The following GALNT13 variants were observed in gnomAD, a reference collection of about 807,000 sequenced individuals.
GALNT13 encodes polypeptide N-acetylgalactosaminyltransferase 13.
GALNT13 carries 28 observed loss-of-function variants against 64.2 expected under a neutral mutation model. The observed-to-expected ratio is 0.44, with a 90% CI of 0.32 to 0.60. GALNT13 has a LOEUF of 0.60. Ranked by LOEUF, GALNT13 falls within the 20% of genes least tolerant of loss-of-function variation. The pLI, the probability that GALNT13 is intolerant of heterozygous loss-of-function variation, is 0.05. For synonymous variants in GALNT13, 214 were observed against 224.6 expected, an observed-to-expected ratio of 0.95 and a Z score of 0.42; for missense variants, 577 against 669.8, an observed-to-expected ratio of 0.86 and a Z score of 1.53.
the GALNT13 span, among the ~76,000 whole-genome samples, chr2:153,759,207 T>G: frequency 6.6e-6 from 1 of 152,182 alleles, no homozygotes; most frequent in African/African-American, 2.4e-5. Context: ...TTTTGGAGTC[T>G]TTAGGTTTTC....
At chr2:153,446,917 A>T in the GALNT13 span, 1 of 152,240 alleles carries the variant, frequency 6.6e-6, no homozygotes, top group Admixed American at 6.5e-5. Flanking sequence ...GAATAGGAAT[A>T]TGGGGATAAA....
chr2:154,366,107 T>C (rs1028493176), intron 9 of GALNT13, among the ~76,000 whole-genome samples: 9 of 152,184 alleles, frequency 5.9e-5, no homozygotes, highest in African/African-American at 2.2e-4. Flanking sequence ...ACATATATCA[T>C]TTAACAATGA....
chr2:153,803,138 C>G, the GALNT13 span, among the ~76,000 whole-genome samples: 1 of 152,100 alleles, frequency 6.6e-6, no homozygotes, highest in African/African-American at 2.4e-5. Context: ...CTCAGTGTTC[C>G]CCTCAGGACC....
At chr2:154,124,212 A>G (rs1023370102) in intron 3 of GALNT13, among the ~76,000 whole-genome samples, 2 of 151,932 alleles carry the variant, frequency 1.3e-5, no homozygotes, top group African/African-American at 4.8e-5. Context: ...GTTTCCATGG[A>G]TGATAAGGAA....
At chr2:154,409,105 C>G (rs1699679530) in intron 11 of GALNT13, 23 bp downstream of exon 11, 1 of 1,440,308 alleles carries the variant, frequency 6.9e-7, no homozygotes, top group East Asian at 2.3e-5. Context: ...TTTTTATCAG[C>G]TTCATGTTTT....
intron 3 of GALNT13, among the ~76,000 whole-genome samples, chr2:154,106,386 TC>T (rs1413935855): frequency 6.6e-6 from 1 of 152,252 alleles, no homozygotes; most frequent in South Asian, 2.1e-4. Flanking sequence ...AGGTTTATTT[TC>T]TTTTGCATAT....
chr2:154,007,395 C>T (rs1254039147), intron 3 of GALNT13, among the ~76,000 whole-genome samples: 1 of 151,948 alleles, frequency 6.6e-6, no homozygotes, highest in African/African-American at 2.4e-5. Context: ...GATAAACTGC[C>T]CAAATGCCTT....
At chr2:153,364,286 G>C in the GALNT13 span, among the ~76,000 whole-genome samples, 1 of 151,918 alleles carries the variant, frequency 6.6e-6, no homozygotes, top group Non-Finnish European at 1.5e-5. Flanking sequence ...ATATCATACT[G>C]AATTGGCAAA....
the GALNT13 span, among the ~76,000 whole-genome samples, chr2:153,239,447 A>G: frequency 6.6e-6 from 1 of 152,116 alleles, no homozygotes; most frequent in Admixed American, 6.6e-5. Flanking sequence ...GTTTTTGCCC[A>G]TTCAGTGATA....
chr2:154,102,094 T>G (rs965523770), intron 3 of GALNT13, among the ~76,000 whole-genome samples: 9 of 152,200 alleles, frequency 5.9e-5, no homozygotes, highest in Non-Finnish European at 1.3e-4. Flanking sequence ...GTTACACAGA[T>G]GACAAAAATG....
the GALNT13 span, among the ~76,000 whole-genome samples, chr2:153,734,514 A>C: frequency 4.6e-5 from 7 of 152,172 alleles, no homozygotes; most frequent in Non-Finnish European, 2.9e-5. Flanking sequence ...AGCCTTCTTA[A>C]ACTGCAGGCC....
At chr2:153,688,993 T>G in the GALNT13 span, among the ~76,000 whole-genome samples, 13 of 18,940 alleles carry the variant, frequency 6.9e-4, no homozygotes, top group South Asian at 2.7e-3. Context: ...GAGGTAGGGG[T>G]GTGTGTGTGT....
chr2:153,972,342 C>G (rs182335640), intron 3 of GALNT13, among the ~76,000 whole-genome samples: 1 of 151,934 alleles, frequency 6.6e-6, no homozygotes, highest in African/African-American at 2.4e-5. Context: ...TGATTCAGTC[C>G]GGATATTGAT....
At chr2:154,097,092 C>A (rs1434808559) in intron 3 of GALNT13, among the ~76,000 whole-genome samples, 1 of 151,902 alleles carries the variant, frequency 6.6e-6, no homozygotes, top group Non-Finnish European at 1.5e-5. Flanking sequence ...TTTAAGAAGT[C>A]TTTATTTTTA....
At chr2:153,236,330 C>T in the GALNT13 span, among the ~76,000 whole-genome samples, 1 of 152,096 alleles carries the variant, frequency 6.6e-6, no homozygotes, top group African/African-American at 2.4e-5. Flanking sequence ...CTACACTAAA[C>T]AACAGGTTTT....
chr2:153,706,178 G>A, the GALNT13 span, among the ~76,000 whole-genome samples: 1 of 151,950 alleles, frequency 6.6e-6, no homozygotes, highest in Admixed American at 6.6e-5. Context: ...TGTATTTTTA[G>A]TAGAGATGGG....
intron 9 of GALNT13, among the ~76,000 whole-genome samples, chr2:154,354,913 G>C (rs1696645824): frequency 6.8e-6 from 1 of 147,688 alleles, no homozygotes; most frequent in Admixed American, 6.6e-5. Context: ...TCTATACATA[G>C]AATTTCCCAT....
chr2:153,280,540 A>G, the GALNT13 span, among the ~76,000 whole-genome samples: 3 of 152,152 alleles, frequency 2.0e-5, no homozygotes, highest in African/African-American at 7.2e-5. Flanking sequence ...CTTTTGCTAT[A>G]TCCCAGAGAT....
At chr2:153,931,401 G>A (rs1260378051) in intron 2 of GALNT13, among the ~76,000 whole-genome samples, 1 of 151,808 alleles carries the variant, frequency 6.6e-6, no homozygotes, top group Non-Finnish European at 1.5e-5. Flanking sequence ...AGTAGTGAGA[G>A]TGGGCTTCCT....
Sources: gnomAD v4.1 joint callset for allele counts (sites outside exome capture counted in the v4.1 genomes callset) on GRCh38, gnomAD v4.1.1 for gene constraint, MANE v1.5 for transcripts, NCBI Gene and HGNC (gene_info 2026-07-23, HGNC 2026-07-21) for gene names.